Variants in MARCHF1 observed in about 807,000 individuals in gnomAD.
MARCHF1 encodes membrane associated ring-CH-type finger 1.
MARCHF1 carries 40 observed loss-of-function variants against 54.2 expected under a neutral mutation model. The ratio of observed to expected loss-of-function variants is 0.74; its 90% CI spans 0.57 to 0.96. MARCHF1 has a LOEUF of 0.96. Ranked by LOEUF, MARCHF1 falls within the 40% of genes least tolerant of loss-of-function variation. MARCHF1 has a pLI of 0.00. For missense variants in MARCHF1, 586 were observed against 656.5 expected, an observed-to-expected ratio of 0.89 and a Z score of 1.17; for synonymous variants, 236 against 236.3, an observed-to-expected ratio of 1.00 and a Z score of 0.01.
chr4:164,032,917 A>G (rs764490976), intron 2 of MARCHF1, among the ~76,000 whole-genome samples: 10 of 152,194 alleles, frequency 6.6e-5, no homozygotes, highest in Non-Finnish European at 1.5e-4. Context: ...CTACAAGTCT[A>G]TAGTAACGAA....
At chr4:163,749,013 G>T (rs13101998) in intron 4 of MARCHF1, among the ~76,000 whole-genome samples, 42,550 of 151,996 alleles carry the variant, frequency 0.28, 7,338 homozygotes, top group Non-Finnish European at 0.39. Context: ...ACAGGTGTTG[G>T]TAATATTCCT....
intron 2 of MARCHF1, among the ~76,000 whole-genome samples, chr4:163,990,137 A>G (rs1209118629): frequency 6.6e-6 from 1 of 152,230 alleles, no homozygotes; most frequent in East Asian, 1.9e-4. Context: ...TAACATCTTC[A>G]ATTTAAATAT....
intron 3 of MARCHF1, among the ~76,000 whole-genome samples, chr4:163,880,089 A>G (rs535536477): frequency 1.3e-5 from 2 of 151,828 alleles, no homozygotes; most frequent in Non-Finnish European, 2.9e-5. Flanking sequence ...TGATATAAGC[A>G]TTTCCTATGT....
intron 2 of MARCHF1, among the ~76,000 whole-genome samples, chr4:164,000,484 G>A (rs189415419): frequency 6.6e-6 from 1 of 151,514 alleles, no homozygotes; most frequent in Admixed American, 6.6e-5. Flanking sequence ...TGAGAAAAGA[G>A]AAAGATTTAG....
intron 3 of MARCHF1, among the ~76,000 whole-genome samples, chr4:163,942,971 T>C (rs1013460284): frequency 6.6e-6 from 1 of 152,194 alleles, no homozygotes; most frequent in Admixed American, 6.5e-5. Flanking sequence ...ACTAGTTTTT[T>C]GTTGTTGTTG....
At chr4:163,802,687 A>C (rs899682454) in intron 4 of MARCHF1, among the ~76,000 whole-genome samples, 33 of 152,204 alleles carry the variant, frequency 2.2e-4, no homozygotes, top group African/African-American at 8.0e-4. Flanking sequence ...CCAAAATTTC[A>C]CTTGACTGGC....
chr4:163,812,166 G>A (rs1040261398), intron 4 of MARCHF1, among the ~76,000 whole-genome samples: 10 of 152,006 alleles, frequency 6.6e-5, no homozygotes, highest in African/African-American at 2.4e-4. Flanking sequence ...CCAGCTTGCA[G>A]TTCACAGATC....
intron 3 of MARCHF1, among the ~76,000 whole-genome samples, chr4:163,956,409 A>C (rs1253969794): frequency 6.6e-6 from 1 of 152,136 alleles, no homozygotes; most frequent in Non-Finnish European, 1.5e-5. Flanking sequence ...GTCACTGGTA[A>C]ATTAGCTAAC....
At chr4:163,733,184 T>A (rs1270614498) in intron 4 of MARCHF1, among the ~76,000 whole-genome samples, 1 of 13,436 alleles carries the variant, frequency 7.4e-5, no homozygotes, top group Non-Finnish European at 1.6e-4. Context: ...TGTGTATATA[T>A]ATATATATAT....
chr4:163,695,249 G>A (rs1039843542), intron 5 of MARCHF1, among the ~76,000 whole-genome samples: 1 of 152,072 alleles, frequency 6.6e-6, no homozygotes, highest in Non-Finnish European at 1.5e-5. Context: ...GGATCTTAAA[G>A]GCAAGTCTGG....
At position 164,292,448 on chromosome 4, in the gene MARCHF1, T is replaced by G. The variant is rs1203134292; in HGVS notation, c.-323+91422A>C. Among the ~76,000 whole-genome samples, 7 of 152,286 alleles carry G rather than the reference T, an allele frequency of 4.6e-5. 1 individual carries two copies. Among genetic ancestry groups the G allele is most frequent in the African/African-American group, 1.7e-4 (7 of 41,588 alleles). ...CTTCTCATACCTATACTGCAGGTTT[T>G]GAGGCTGATGCTTTCTCGATCTCAC... is the stretch of plus-strand genomic sequence containing the variant. On this transcript the variant is annotated intron_variant, in intron 1 of 9. Coordinates refer to ENST00000514618, the MANE Select transcript of MARCHF1 (RefSeq NM_001394959.1).
At chr4:163,951,106 AAAC>A (rs1268174249) in intron 3 of MARCHF1, among the ~76,000 whole-genome samples, 6 of 152,240 alleles carry the variant, frequency 3.9e-5, no homozygotes, top group Non-Finnish European at 4.4e-5. Context: ...ACTTCAACAA[AAAC>A]AACATTTAGA....
chr4:163,833,169 G>GACTTCC (rs1749079747), intron 4 of MARCHF1, among the ~76,000 whole-genome samples: 1 of 152,130 alleles, frequency 6.6e-6, no homozygotes, highest in Admixed American at 6.5e-5. Flanking sequence ...TCGCCACGCT[G>GACTTCC]ACTTCCACAA....
At chr4:163,841,446 TA>T (rs1172340166) in intron 4 of MARCHF1, among the ~76,000 whole-genome samples, 5 of 49,872 alleles carry the variant, frequency 1.0e-4, no homozygotes, top group South Asian at 2.3e-3. Context: ...AAATAGAGTC[TA>T]TTTTTTTTAA....
At chr4:163,814,935 C>T (rs1748492943) in intron 4 of MARCHF1, among the ~76,000 whole-genome samples, 1 of 152,030 alleles carries the variant, frequency 6.6e-6, no homozygotes, top group Non-Finnish European at 1.5e-5. Context: ...ATAATAAATA[C>T]AGTTAACGTG....
chr4:163,647,973 T>TA (rs1054837624), intron 5 of MARCHF1, among the ~76,000 whole-genome samples: 26 of 151,348 alleles, frequency 1.7e-4, no homozygotes, highest in African/African-American at 4.3e-4. Context: ...GTTGGTTTTT[T>TA]AAAAAAAAGA....
At chr4:164,278,018 A>T (rs188764962) in intron 1 of MARCHF1, among the ~76,000 whole-genome samples, 286 of 152,228 alleles carry the variant, frequency 1.9e-3, no homozygotes, top group African/African-American at 5.0e-3. Flanking sequence ...TAGATTTTTT[A>T]AAAAAAGAAA....
intron 3 of MARCHF1, chr4:163,933,096 A>G: frequency 7.0e-7 from 1 of 1,419,884 alleles, no homozygotes; most frequent in Non-Finnish European, 9.6e-7. Context: ...GCTGGCTAAA[A>G]CGGCTTTTGA....
At chr4:163,541,614 CAT>C (rs1427194375) in intron 9 of MARCHF1, among the ~76,000 whole-genome samples, 2 of 152,080 alleles carry the variant, frequency 1.3e-5, no homozygotes, top group Non-Finnish European at 2.9e-5. Flanking sequence ...CATTTACAGA[CAT>C]ATGAGGAATT....
Sources: allele counts gnomAD v4.1 joint callset (sites outside exome capture counted in the v4.1 genomes callset), GRCh38; gene constraint gnomAD v4.1.1; transcripts MANE v1.5; gene names NCBI Gene and HGNC (gene_info 2026-07-23, HGNC 2026-07-21).